The following DMXL1 variants were observed in gnomAD, a reference collection of about 807,000 sequenced individuals.
DMXL1 encodes the protein Dmx like 1.
Under a neutral mutation model 319.2 loss-of-function variants are expected in DMXL1, and 99 were observed. The observed-to-expected ratio is 0.31, with a 90% confidence interval of 0.26 to 0.37. DMXL1 has a LOEUF of 0.37. Ranked by LOEUF, DMXL1 falls within the 10% of genes least tolerant of loss-of-function variation. The probability of loss-of-function intolerance (pLI) is 1.00; values close to 1 mark genes in which losing one functional copy is unlikely to be tolerated. For synonymous variants in DMXL1, 1,385 were observed against 1,235.2 expected (o/e 1.12, Z -2.54); for missense variants, 3,745 against 3,595.6 (o/e 1.04, Z -1.06).
At chr5:119,128,595 G>A (rs4565243) in intron 9 of DMXL1, among the ~76,000 whole-genome samples, 44,467 of 152,046 alleles carry the variant, frequency 0.29, 6,866 homozygotes, top group Non-Finnish European at 0.35. Context: ...AAGGTAAACT[G>A]TAGACGTTGG....
Position 119,247,454 on chromosome 5 carries a change from A to G in DMXL1, c.*235A>G. On this transcript the variant is annotated 3_prime_UTR_variant, in exon 44 of 44. Coordinates refer to ENST00000539542, the MANE Select transcript of DMXL1 (RefSeq NM_001290321.3). ...GTAATGCTGTAATAATACATATCAT[A>G]GTATATTATAATCAGTATGTCATAG... The G allele has an allele frequency of 5.5e-6, 2 of 362,236 alleles. No individual in the cohort carries two copies. The highest frequency in any genetic ancestry group is 1.0e-5 in the Non-Finnish European group (2 of 195,334). The allele number at this position is 362,236 out of a possible 1,614,324, so 22.4% of individuals were successfully genotyped here.
intron 42 of DMXL1, among the ~76,000 whole-genome samples, chr5:119,241,696 T>C (rs1788851660): frequency 6.6e-6 from 1 of 152,196 alleles, no homozygotes; most frequent in Admixed American, 6.5e-5. Context: ...ACTAGTGGCA[T>C]GTTGTATGGT....
intron 13 of DMXL1, among the ~76,000 whole-genome samples, chr5:119,143,085 G>A (rs192564211): frequency 7.1e-4 from 108 of 152,154 alleles, no homozygotes; most frequent in Admixed American, 1.7e-3. Context: ...CATGTTGGAA[G>A]TTGGGAGGAG....
At chr5:119,098,306 A>T (rs1375810766) in intron 2 of DMXL1, among the ~76,000 whole-genome samples, 1 of 152,204 alleles carries the variant, frequency 6.6e-6, no homozygotes, top group Non-Finnish European at 1.5e-5. Context: ...TTATAGCATC[A>T]TCTTCTCTGA....
rs188273734 is a variant in DMXL1, at chr5:119,135,534, T to G, written c.2376+1145T>G. On this transcript the variant is annotated intron_variant, in intron 13 of 43. Transcript: ENST00000539542. ...GGAGCATGTTTGGTATGTGATAAGG[T>G]TTGGCTCTGTGTCCCACCCAAATCT... 9.2e-5 allele frequency among the ~76,000 whole-genome samples: 14 copies of G among 152,272 alleles called. No individual in the cohort carries two copies. In the East Asian group the frequency reaches 2.7e-3, roughly 29 times the overall value.
chr5:119,091,059 C>CTTTT (rs1754693906), intron 1 of DMXL1, among the ~76,000 whole-genome samples: 1 of 152,018 alleles, frequency 6.6e-6, no homozygotes, highest in Admixed American at 6.6e-5. Flanking sequence ...TTCTGAATTG[C>CTTTT]TTTTTGTCTT....
Position 119,116,223 on chromosome 5 carries a change from T to C in DMXL1, c.630T>C (p.Asp210=), listed in dbSNP as rs1042487360. The change falls in exon 7 of 44, where the codon GAT becomes GAC. Residue 210 remains aspartate (D), a synonymous_variant. Coordinates refer to ENST00000539542, the MANE Select transcript of DMXL1 (RefSeq NM_001290321.3). ...ENWRTAVTSP[D]GSSEKQSQGE... ...GGCGGACAGCTGTTACTTCTCCAGA[T>C]GGAAGTTCAGAAAAACAATCCCAAG... The C allele has an allele frequency of 6.2e-7, 1 of 1,613,986 alleles. No individual in the cohort carries two copies. The highest frequency in any genetic ancestry group is 8.5e-7 in the Non-Finnish European group (1 of 1,179,992).
intron 38 of DMXL1, among the ~76,000 whole-genome samples, chr5:119,226,433 A>C (rs1253544543): frequency 6.6e-6 from 1 of 152,170 alleles, no homozygotes; most frequent in East Asian, 1.9e-4. Context: ...TCTTTTGAAA[A>C]ATTCTTAAAG....
In DMXL1 at chr5:119,147,426, A is replaced by G. The variant is rs1192270837; in HGVS notation, c.2867A>G (p.His956Arg). ...GAAATGGTTTATAGCCAAGAATTGC[A>G]TTTACCAGAAGGAGTTGAGATAATA... ...FSEMVYSQEL[H>R]LPEGVEIISI... is the part of the protein sequence containing the mutation. Residue 956 changes from histidine (H) to arginine (R), a missense_variant, in exon 17 of 44, where the codon CAT becomes CGT. Coordinates refer to ENST00000539542, the MANE Select transcript of DMXL1 (RefSeq NM_001290321.3). The G allele has an allele frequency of 1.2e-6, 2 of 1,613,424 alleles. No individual in the cohort carries two copies. Among genetic ancestry groups the G allele is most frequent in the Admixed American group, 1.7e-5 (1 of 59,890 alleles).
intron 34 of DMXL1, among the ~76,000 whole-genome samples, chr5:119,212,416 C>G (rs1216860508): frequency 6.6e-6 from 1 of 152,156 alleles, no homozygotes; most frequent in Non-Finnish European, 1.5e-5. Flanking sequence ...GAATAGTATT[C>G]TAATGTATGT....
chr5:119,148,845 T>C lies in DMXL1; in HGVS notation c.3018T>C (p.Asp1006=). 1 of 1,613,784 alleles carries C rather than the reference T, an allele frequency of 6.2e-7. No homozygotes were observed. The highest frequency in any genetic ancestry group is 8.5e-7 in the Non-Finnish European group (1 of 1,179,776). The change falls in exon 18 of 44, where the codon GAT becomes GAC. Residue 1006 remains aspartate, a synonymous_variant. Transcript: ENST00000539542. The stretch of plus-strand genomic sequence containing the variant: ...GATTCTGGAGATGCAGAGTAACAGA[T>C]GGAGAATCTGCCACGTCAAAGAATG... ...KVRFWRCRVT[D]GESATSKNGK...
At chr5:119,241,325 A>G (rs191874836) in intron 42 of DMXL1, among the ~76,000 whole-genome samples, 1 of 151,934 alleles carries the variant, frequency 6.6e-6, no homozygotes, top group Non-Finnish European at 1.5e-5. Context: ...AGGTCAGGAG[A>G]TCTAGACAAT....
At chr5:119,106,560 T>G (rs1426239497) in intron 4 of DMXL1, among the ~76,000 whole-genome samples, 1 of 152,204 alleles carries the variant, frequency 6.6e-6, no homozygotes, top group African/African-American at 2.4e-5. Flanking sequence ...AGGAGACCTT[T>G]AAAGTCATGC....
intron 13 of DMXL1, among the ~76,000 whole-genome samples, chr5:119,141,069 A>C (rs528019494): frequency 6.6e-6 from 1 of 152,354 alleles, no homozygotes. Flanking sequence ...TCATGTTAAA[A>C]ACTCTCAATA....
At chr5:119,223,768 C>A (rs17144994) in intron 37 of DMXL1, among the ~76,000 whole-genome samples, 19 of 151,740 alleles carry the variant, frequency 1.3e-4, no homozygotes, top group Admixed American at 8.5e-4. Flanking sequence ...ACGTATGGTT[C>A]TCCTGTGAAT....
Position 119,247,910 on chromosome 5 carries a change from T to C in DMXL1, c.*691T>C, listed in dbSNP as rs1032694022. 2.2e-5 allele frequency: 2 copies of C among 89,890 alleles called. No homozygotes were observed. The highest frequency in any genetic ancestry group is 8.3e-5 in the African/African-American group (2 of 24,112). 5.6% of individuals were successfully genotyped at this position (89,890 alleles called of 1,614,324 possible). ...ATGTGTTTTTGTGCCATAACAACTA[T>C]TGCCACCAGAATAACTTTTTTTTTG... On this transcript the variant is annotated 3_prime_UTR_variant, in exon 44 of 44. Coordinates refer to ENST00000539542, the MANE Select transcript of DMXL1 (RefSeq NM_001290321.3).
intron 23 of DMXL1, among the ~76,000 whole-genome samples, 172 bp from the exon 24 acceptor site, chr5:119,170,018 C>T (rs1774231770): frequency 6.6e-6 from 1 of 152,124 alleles, no homozygotes; most frequent in African/African-American, 2.4e-5. Flanking sequence ...AGAACATGTT[C>T]ATTATAAATG....
chr5:119,165,233 T>G lies in DMXL1; in HGVS notation c.4923T>G (p.Ile1641Met). ...YRKNDPLDAA[I>M]FYLAMKKKAV... is the part of the protein sequence containing the mutation. ...AGAATGATCCTTTAGATGCTGCCAT[T>G]TTTTACCTTGCAATGAAAAAGAAAG... Residue 1641 changes from isoleucine (I) to methionine (M), a missense_variant, in exon 21 of 44, where the codon ATT (isoleucine) becomes ATG (methionine). This residue lies in a region of DMXL1 where 2,096 missense variants were observed against 1,985.4 expected (regional missense o/e 1.06). Transcript: ENST00000539542. 6.2e-7 allele frequency: 1 copy of G among 1,607,812 alleles called. No individual in the cohort carries two copies. Among genetic ancestry groups the G allele is most frequent in the South Asian group, 1.1e-5 (1 of 89,146 alleles).
intron 29 of DMXL1, 63 bp from the exon 30 acceptor site, chr5:119,193,765 T>C: frequency 6.9e-7 from 1 of 1,452,900 alleles, no homozygotes; most frequent in South Asian, 1.2e-5. Flanking sequence ...ACTATTAGAC[T>C]GTATGTTTGA....
Sources: allele counts gnomAD v4.1 joint callset (sites outside exome capture counted in the v4.1 genomes callset), GRCh38; gene constraint gnomAD v4.1.1; regional missense constraint gnomAD v4.1.1; transcripts MANE v1.5; gene names NCBI Gene and HGNC (gene_info 2026-07-23, HGNC 2026-07-21).